DCLK1: variants seen among roughly 807,000 people sequenced by gnomAD.
DCLK1 encodes the protein serine/threonine-protein kinase DCLK1.
A neutral mutation model predicts 86.2 loss-of-function variants in DCLK1; 16 were observed. That is an observed-to-expected ratio of 0.19 (90% CI 0.13 to 0.28). The LOEUF is 0.28. Among genes scored for constraint, DCLK1 ranks in the 10% least tolerant of loss-of-function variants. The probability of loss-of-function intolerance (pLI) is 1.00; values close to 1 mark genes in which losing one functional copy is unlikely to be tolerated. For synonymous variants in DCLK1, 369 were observed against 370.5 expected (o/e 1.00, Z 0.05); for missense variants, 590 against 940.2 (o/e 0.63, Z 4.87).
intron 16 of DCLK1, chr13:35,788,400 T>A: frequency 1.1e-6 from 1 of 910,680 alleles, no homozygotes; most frequent in Non-Finnish European, 1.8e-6. Context: ...CGATGCCTCT[T>A]CTGCAGGGTA....
chr13:35,919,448 C>G (rs559465543), intron 4 of DCLK1, among the ~76,000 whole-genome samples: 1 of 152,264 alleles, frequency 6.6e-6, no homozygotes, highest in East Asian at 1.9e-4. Flanking sequence ...TTTCTTAAAT[C>G]TTATGCAGAG....
intron 3 of DCLK1, among the ~76,000 whole-genome samples, chr13:36,083,694 T>C (rs1199902355): frequency 6.6e-6 from 1 of 152,116 alleles, no homozygotes; most frequent in East Asian, 1.9e-4. Context: ...TTTCCTTGAG[T>C]TTTCCCATTC....
At chr13:35,958,749 A>G (rs536672722) in intron 3 of DCLK1, among the ~76,000 whole-genome samples, 6 of 152,370 alleles carry the variant, frequency 3.9e-5, no homozygotes, top group Admixed American at 3.9e-4. Flanking sequence ...CTAGAATTCT[A>G]AAATTATTTT....
At chr13:36,046,060 A>G (rs1234240094) in intron 3 of DCLK1, among the ~76,000 whole-genome samples, 1 of 152,110 alleles carries the variant, frequency 6.6e-6, no homozygotes, top group Non-Finnish European at 1.5e-5. Flanking sequence ...GATAAGATTC[A>G]GGAAGAATAT....
chr13:35,927,235 G>A (rs1008683590), intron 4 of DCLK1, among the ~76,000 whole-genome samples: 43 of 152,316 alleles, frequency 2.8e-4, no homozygotes, highest in African/African-American at 9.4e-4. Flanking sequence ...TACTCTACAA[G>A]CAAATGAAAG....
chr13:35,977,534 C>T (rs1879409136), intron 3 of DCLK1, among the ~76,000 whole-genome samples: 1 of 152,146 alleles, frequency 6.6e-6, no homozygotes, highest in South Asian at 2.1e-4. Context: ...AATTAAAGTA[C>T]AGAAATGCAC....
intron 2 of DCLK1, among the ~76,000 whole-genome samples, chr13:36,120,855 G>C (rs931144522): frequency 3.9e-5 from 6 of 152,162 alleles, no homozygotes; most frequent in Non-Finnish European, 7.4e-5. Context: ...GGAAACATCT[G>C]ATTTCAAAAC....
intron 8 of DCLK1, among the ~76,000 whole-genome samples, chr13:35,832,781 A>T (rs908400574): frequency 1.6e-4 from 25 of 152,336 alleles, no homozygotes; most frequent in African/African-American, 5.8e-4. Context: ...CTTGTCAGAC[A>T]GCTCCCAAGT....
At position 35,768,793 on chromosome 13, in the gene DCLK1, A is replaced by G. The variant is rs1162374031; in HGVS notation, c.*5742T>C. ...ACTGTGCTATGGAGGACATGTGGGA[A>G]AGCTACACTCTGACCGCATGACTAA... On this transcript the variant is annotated 3_prime_UTR_variant, in exon 17 of 17. Transcript: ENST00000360631. 6.6e-6 allele frequency: 1 copy of G among 152,242 alleles called. No individual in the cohort carries two copies. The highest frequency in any genetic ancestry group is 1.5e-5 in the Non-Finnish European group (1 of 68,046). The allele number at this position is 152,242 out of a possible 1,614,324, so 9.4% of individuals were successfully genotyped here. A position where few individuals can be genotyped will look rare whatever the true frequency, so the allele number is the denominator to read the frequency against.
chr13:35,807,357 G>C (rs1393457042), intron 14 of DCLK1, among the ~76,000 whole-genome samples: 1 of 152,100 alleles, frequency 6.6e-6, no homozygotes, highest in African/African-American at 2.4e-5. Context: ...AGTTTCATGG[G>C]ATAAAAACAA....
chr13:36,064,540 T>G (rs762597080), intron 3 of DCLK1, among the ~76,000 whole-genome samples: 18 of 151,862 alleles, frequency 1.2e-4, no homozygotes, highest in Non-Finnish European at 2.4e-4. Flanking sequence ...GTGCCTATAA[T>G]CCCAGCTACT....
At chr13:35,785,882 C>T (rs749486145) in intron 16 of DCLK1, among the ~76,000 whole-genome samples, 2 of 152,064 alleles carry the variant, frequency 1.3e-5, no homozygotes, top group East Asian at 1.9e-4. Context: ...AGAGCGTGTA[C>T]GTTCTGGGGC....
intron 10 of DCLK1, among the ~76,000 whole-genome samples, chr13:35,826,130 C>T (rs1224374606): frequency 6.6e-6 from 1 of 151,960 alleles, no homozygotes; most frequent in Admixed American, 6.6e-5. Context: ...ACTGCCCAGC[C>T]GACTTTTCTT....
chr13:36,000,517 T>C (rs2153145720), intron 3 of DCLK1, among the ~76,000 whole-genome samples: 1 of 152,138 alleles, frequency 6.6e-6, no homozygotes, highest in South Asian at 2.1e-4. Context: ...CATATTTTAA[T>C]ATCTAAAATA....
intron 3 of DCLK1, among the ~76,000 whole-genome samples, chr13:36,073,206 C>T (rs1227799714): frequency 6.6e-6 from 1 of 152,170 alleles, no homozygotes; most frequent in Non-Finnish European, 1.5e-5. Flanking sequence ...ACTTTCATCA[C>T]CTTGGAAAGA....
At chr13:36,078,660 A>C (rs748226235) in intron 3 of DCLK1, among the ~76,000 whole-genome samples, 1 of 152,240 alleles carries the variant, frequency 6.6e-6, no homozygotes, top group Non-Finnish European at 1.5e-5. Flanking sequence ...GTGGATGGTG[A>C]AACACCACCA....
intron 15 of DCLK1, among the ~76,000 whole-genome samples, chr13:35,802,775 A>C (rs952092726): frequency 1.3e-5 from 2 of 152,160 alleles, no homozygotes; most frequent in African/African-American, 4.8e-5. Flanking sequence ...AAGTAGCACA[A>C]ATGGATGAGT....
chr13:35,958,162 TCAC>T (rs1878188983), intron 3 of DCLK1, among the ~76,000 whole-genome samples: 1 of 10,502 alleles, frequency 9.5e-5, no homozygotes, highest in Admixed American at 1.5e-3. Flanking sequence ...ACTATAACCA[TCAC>T]CACCATCACC....
chr13:35,981,194 G>A (rs547063765), intron 3 of DCLK1, among the ~76,000 whole-genome samples: 1 of 152,066 alleles, frequency 6.6e-6, no homozygotes, highest in South Asian at 2.1e-4. Flanking sequence ...CCCTGCTCTA[G>A]GTATCTCATA....
Sources: allele counts gnomAD v4.1 joint callset (sites outside exome capture counted in the v4.1 genomes callset), GRCh38; gene constraint gnomAD v4.1.1; transcripts MANE v1.5; gene names NCBI Gene and HGNC (gene_info 2026-07-23, HGNC 2026-07-21).